HNF4G: variants seen among roughly 807,000 people sequenced by gnomAD.
The protein encoded by HNF4G is hepatocyte nuclear factor 4-gamma.
A neutral mutation model predicts 50.9 loss-of-function variants in HNF4G; 21 were observed. That is an observed-to-expected ratio of 0.41 (90% confidence interval 0.29 to 0.59). HNF4G has a LOEUF of 0.59. Ranked by LOEUF, HNF4G falls within the 20% of genes least tolerant of loss-of-function variation. The pLI is 0.26. For missense variants in HNF4G, 527 were observed against 559.4 expected, an observed-to-expected ratio of 0.94 and a Z score of 0.58; for synonymous variants, 198 against 185.6, an observed-to-expected ratio of 1.07 and a Z score of -0.54.
chr8:75,519,329 GTCT>G (rs1224909562), intron 2 of HNF4G, among the ~76,000 whole-genome samples: 1 of 152,118 alleles, frequency 6.6e-6, no homozygotes, highest in Non-Finnish European at 1.5e-5. Context: ...ACATCTTCCT[GTCT>G]TCTTCTGAGC....
chr8:75,433,076 G>T (rs113823502), intron 1 of HNF4G, among the ~76,000 whole-genome samples: 1 of 151,996 alleles, frequency 6.6e-6, no homozygotes, highest in South Asian at 2.1e-4. Flanking sequence ...AGAACCACAC[G>T]GCCAAACTGC....
At chr8:75,489,123 G>T (rs911678228) in intron 1 of HNF4G, among the ~76,000 whole-genome samples, 1 of 152,122 alleles carries the variant, frequency 6.6e-6, no homozygotes, top group African/African-American at 2.4e-5. Context: ...TTGGAGCCAC[G>T]CATATATTCA....
At chr8:75,518,878 C>T (rs1183442698) in intron 2 of HNF4G, among the ~76,000 whole-genome samples, 2 of 152,180 alleles carry the variant, frequency 1.3e-5, no homozygotes, top group Admixed American at 1.3e-4. Flanking sequence ...CAAATTTCTG[C>T]AGCCGGCTTG....
At chr8:75,552,152 A>G (rs72660064) in intron 4 of HNF4G, among the ~76,000 whole-genome samples, 1,680 of 152,264 alleles carry the variant, frequency 0.011, 9 homozygotes, top group Middle Eastern at 0.034. Context: ...AGATTATAAA[A>G]TTGCCAAGTA....
chr8:75,486,945 T>C (rs922486468), intron 1 of HNF4G, among the ~76,000 whole-genome samples: 5 of 152,126 alleles, frequency 3.3e-5, no homozygotes, highest in African/African-American at 4.8e-5. Flanking sequence ...GAGGCGGCAG[T>C]GAGCCGCCAT....
intron 5 of HNF4G, among the ~76,000 whole-genome samples, chr8:75,554,639 T>C (rs1264421799): frequency 6.6e-6 from 1 of 152,308 alleles, no homozygotes; most frequent in East Asian, 1.9e-4. Flanking sequence ...GAGATTACTG[T>C]TCAGTTTTAG....
intron 2 of HNF4G, among the ~76,000 whole-genome samples, chr8:75,528,835 C>G (rs1806248664): frequency 1.3e-5 from 2 of 152,104 alleles, no homozygotes; most frequent in Admixed American, 6.5e-5. Context: ...TATAAAGATA[C>G]TACCTGAGAC....
chr8:75,420,372 G>T lies in HNF4G; in HGVS notation c.-144+12210G>T, dbSNP rs560654118. On this transcript the variant is annotated intron_variant, in intron 1 of 10. Coordinates refer to the HNF4G transcript ENST00000354370. ...GTTATCTTCCTGCTTAAAATCATCT[G>T]ATTGGTTTCTCATTGTACTAGGAAT... Among the ~76,000 whole-genome samples the T allele has an allele frequency of 7.2e-5, 11 of 152,308 alleles. No individual in the cohort carries two copies. In the South Asian group the frequency reaches 2.1e-3, roughly 29 times the overall value.
rs1276146319 is a variant in HNF4G at position 75,558,972 on chromosome 8, T to C, written c.1058T>C (p.Ile353Thr). ...QSITWQMIEQ[I>T]QFVKLFGMVK... is the part of the protein sequence containing the mutation. Reference sequence around the variant, plus strand: ...ATCACGTGGCAAATGATTGAGCAAATACAGTTTGTTAAACTTTTTGGGATG... The same window carrying C: ...ATCACGTGGCAAATGATTGAGCAAACACAGTTTGTTAAACTTTTTGGGATG... The change falls in exon 8 of 10, where the codon ATA (isoleucine) becomes ACA (threonine). Residue 353 changes from isoleucine (I) to threonine (T), a missense_variant. This residue lies in a region of HNF4G where 308 missense variants were observed against 301.5 expected (regional missense o/e 1.02). Transcript: ENST00000396423. 1.9e-6 allele frequency: 3 copies of C among 1,614,060 alleles called. No homozygotes were observed.
chr8:75,495,370 A>C (rs1487109866), intron 2 of HNF4G: 1 of 152,088 alleles, frequency 6.6e-6, no homozygotes, highest in Non-Finnish European at 1.5e-5. Flanking sequence ...ATATTAAAGA[A>C]GACTTTGGAT....
chr8:75,519,079 C>G (rs1020926088), intron 2 of HNF4G, among the ~76,000 whole-genome samples: 1 of 152,124 alleles, frequency 6.6e-6, no homozygotes, highest in African/African-American at 2.4e-5. Context: ...TTAGAAATTT[C>G]TCATACCAGG....
At chr8:75,484,879 T>C (rs1812463496) in intron 1 of HNF4G, among the ~76,000 whole-genome samples, 1 of 152,212 alleles carries the variant, frequency 6.6e-6, no homozygotes, top group Non-Finnish European at 1.5e-5. Context: ...GAAACCATAT[T>C]TATTACATTT....
chr8:75,459,561 G>C (rs1811798933), intron 1 of HNF4G, among the ~76,000 whole-genome samples: 1 of 152,172 alleles, frequency 6.6e-6, no homozygotes, highest in Admixed American at 6.5e-5. Flanking sequence ...TACTTGGCTT[G>C]TGTAGTAGTG....
intron 1 of HNF4G, among the ~76,000 whole-genome samples, chr8:75,415,439 C>A (rs1403611583): frequency 2.0e-5 from 3 of 151,546 alleles, no homozygotes; most frequent in Non-Finnish European, 4.4e-5. Context: ...TATGAGGCCT[C>A]AATATGGAGT....
Position 75,419,034 on chromosome 8 carries a change from G to A in HNF4G, c.-144+10872G>A, listed in dbSNP as rs185258348. ...GAGCCACTGCACCTGCCTGTGATAA[G>A]TCTCTTGTTTTTTAAAAAATAATTT... On this transcript the variant is annotated intron_variant, in intron 1 of 10. Transcript: ENST00000354370. Among the ~76,000 whole-genome samples, 583 of 152,218 alleles carry A rather than the reference G, an allele frequency of 3.8e-3. 4 individuals carry two copies. Among genetic ancestry groups the A allele is most frequent in the African/African-American group, 0.013 (536 of 41,538 alleles).
intron 1 of HNF4G, among the ~76,000 whole-genome samples, chr8:75,443,033 C>A (rs1024647565): frequency 6.6e-6 from 1 of 152,100 alleles, no homozygotes; most frequent in African/African-American, 2.4e-5. Context: ...GAGGGTGGGG[C>A]CTTTAGGAGG....
intron 1 of HNF4G, among the ~76,000 whole-genome samples, chr8:75,461,873 T>TA (rs984443207): frequency 1.1e-5 from 1 of 87,858 alleles, no homozygotes; most frequent in East Asian, 2.7e-4. Flanking sequence ...ATGGTCTCTT[T>TA]AAAAAAAAAT....
intron 9 of HNF4G, among the ~76,000 whole-genome samples, chr8:75,562,716 C>G (rs1204170864): frequency 6.6e-6 from 1 of 152,136 alleles, no homozygotes; most frequent in East Asian, 1.9e-4. Flanking sequence ...TTGTTACTTT[C>G]ATTTTTATTC....
At chr8:75,420,029 T>G (rs1810740965) in intron 1 of HNF4G, among the ~76,000 whole-genome samples, 1 of 152,210 alleles carries the variant, frequency 6.6e-6, no homozygotes, top group Non-Finnish European at 1.5e-5. Context: ...TTTTCGCTAT[T>G]ATTTTTAATT....
Sources: allele counts gnomAD v4.1 joint callset (sites outside exome capture counted in the v4.1 genomes callset), GRCh38; gene constraint gnomAD v4.1.1; regional missense constraint gnomAD v4.1.1; transcripts MANE v1.5; gene names NCBI Gene and HGNC (gene_info 2026-07-23, HGNC 2026-07-21).